The following FHIT variants were observed in gnomAD, a reference collection of about 807,000 sequenced individuals.
FHIT encodes the protein fragile histidine triad diadenosine triphosphatase.
In FHIT, 19 loss-of-function variants were observed where a neutral mutation model predicts 17.9. That is an observed-to-expected ratio of 1.06 (90% CI 0.74 to 1.56). The LOEUF (loss-of-function observed/expected upper bound fraction) is 1.56. FHIT is among the 40% of genes most tolerant of loss of function. FHIT has a pLI of 0.00. For synonymous variants in FHIT, 81 were observed against 69.7 expected, an observed-to-expected ratio of 1.16 and a Z score of -0.81; for missense variants, 248 against 189.2, an observed-to-expected ratio of 1.31 and a Z score of -1.82.
rs527824949 is a variant in FHIT at position 60,131,293 on chromosome 3, C to A, written c.104-117141G>T. On this transcript the variant is annotated intron_variant, in intron 5 of 9. Coordinates refer to ENST00000492590, the MANE Select transcript of FHIT (RefSeq NM_002012.4). The stretch of plus-strand genomic sequence containing the variant: ...ATGTAATGCTATATAGTTATTCTAA[C>A]ATATTGTTTTTATTTGCATTATTTT... Among the ~76,000 whole-genome samples, 11 of 151,916 alleles carry A rather than the reference C, an allele frequency of 7.2e-5. No homozygotes were observed. The East Asian group carries it at 1.6e-3, about 21-fold the overall frequency.
chr3:60,131,212 C>A (rs4679513), intron 5 of FHIT, among the ~76,000 whole-genome samples: 151,814 of 151,814 alleles, frequency 1, 75,907 homozygotes, highest in Non-Finnish European at 1. Context: ...TATAACCTTC[C>A]CACCTCCTCC....
Position 61,235,919 on chromosome 3 carries a change from C to T in FHIT, c.-213+15382G>A, listed in dbSNP as rs140294504. 9.3e-3 allele frequency among the ~76,000 whole-genome samples: 1,407 copies of T among 151,950 alleles called. 11 individuals are homozygous for T. The highest frequency in any genetic ancestry group is 0.017 in the Middle Eastern group (5 of 292). On this transcript the variant is annotated intron_variant, in intron 1 of 9. Transcript: ENST00000492590. ...TTTCACTAAAAGCAAGGTATTGTGA[C>T]CAATAATAAAATCATAGCTAAAATA...
chr3:60,223,551 G>A (rs570286348), intron 5 of FHIT, among the ~76,000 whole-genome samples: 1 of 152,194 alleles, frequency 6.6e-6, no homozygotes, highest in South Asian at 2.1e-4. Context: ...ATATTCCCAA[G>A]TAACAAGCTT....
At chr3:60,278,392 C>T (rs1707270153) in intron 5 of FHIT, among the ~76,000 whole-genome samples, 1 of 152,180 alleles carries the variant, frequency 6.6e-6, no homozygotes, top group Non-Finnish European at 1.5e-5. Context: ...TTTTAGCCTT[C>T]CTGTCTAATG....
At chr3:59,848,513 T>G (rs1215208823) in intron 8 of FHIT, among the ~76,000 whole-genome samples, 1 of 152,166 alleles carries the variant, frequency 6.6e-6, no homozygotes, top group Non-Finnish European at 1.5e-5. Flanking sequence ...AAAATAATAT[T>G]TAGAATATCT....
At chr3:61,184,289 C>T (rs1477974274) in intron 2 of FHIT, among the ~76,000 whole-genome samples, 1 of 152,052 alleles carries the variant, frequency 6.6e-6, no homozygotes, top group Non-Finnish European at 1.5e-5. Context: ...CCTCTGGTGT[C>T]AAACTGAATG....
chr3:60,632,913 C>T (rs1429300624), intron 4 of FHIT, among the ~76,000 whole-genome samples: 1 of 152,164 alleles, frequency 6.6e-6, no homozygotes, highest in Non-Finnish European at 1.5e-5. Flanking sequence ...GGACACTAAG[C>T]AAGTTATCAA....
intron 2 of FHIT, among the ~76,000 whole-genome samples, chr3:61,045,242 A>G (rs1338055750): frequency 6.6e-6 from 1 of 152,214 alleles, no homozygotes; most frequent in African/African-American, 2.4e-5. Context: ...AGACCCATCT[A>G]ACATGCAGAG....
chr3:59,874,115 G>T (rs752789022), intron 8 of FHIT, among the ~76,000 whole-genome samples: 35 of 152,076 alleles, frequency 2.3e-4, no homozygotes, highest in Non-Finnish European at 1.2e-4. Context: ...TCTCAAAAAA[G>T]AATCACAAAA....
chr3:60,858,423 G>C (rs1214243258), intron 3 of FHIT, among the ~76,000 whole-genome samples: 1 of 152,134 alleles, frequency 6.6e-6, no homozygotes, highest in Non-Finnish European at 1.5e-5. Flanking sequence ...CACATGTATG[G>C]TCAGCTTTCA....
intron 5 of FHIT, among the ~76,000 whole-genome samples, chr3:60,282,677 G>C (rs1395464754): frequency 6.6e-6 from 1 of 152,092 alleles, no homozygotes; most frequent in African/African-American, 2.4e-5. Context: ...GGGCGGGGAT[G>C]GGGGAATAGT....
intron 5 of FHIT, among the ~76,000 whole-genome samples, chr3:60,146,201 G>C (rs776166212): frequency 9.3e-5 from 14 of 150,848 alleles, no homozygotes; most frequent in Non-Finnish European, 2.1e-4. Flanking sequence ...CTTTATTTAG[G>C]ATAGGTCTAG....
intron 3 of FHIT, among the ~76,000 whole-genome samples, chr3:61,021,309 C>G (rs566837890): frequency 2.6e-5 from 4 of 152,148 alleles, no homozygotes; most frequent in Admixed American, 2.6e-4. Context: ...TGAAAAAGAA[C>G]AGAAATCAGG....
intron 5 of FHIT, among the ~76,000 whole-genome samples, chr3:60,213,928 A>G (rs1308690552): frequency 6.6e-6 from 1 of 152,188 alleles, no homozygotes; most frequent in Admixed American, 6.5e-5. Context: ...AGCATTTAAC[A>G]TACTTACTGA....
At chr3:60,757,107 T>A (rs1483383491) in intron 4 of FHIT, among the ~76,000 whole-genome samples, 1 of 152,158 alleles carries the variant, frequency 6.6e-6, no homozygotes, top group Non-Finnish European at 1.5e-5. Context: ...TTCAAGTATG[T>A]GTTATTAATA....
intron 8 of FHIT, among the ~76,000 whole-genome samples, chr3:59,920,123 G>C (rs765118371): frequency 6.6e-6 from 1 of 152,176 alleles, no homozygotes; most frequent in Admixed American, 6.5e-5. Context: ...AAGAAAAATA[G>C]TAATAATAAC....
chr3:60,545,173 T>C (rs559010050), intron 4 of FHIT, among the ~76,000 whole-genome samples: 2 of 152,150 alleles, frequency 1.3e-5, no homozygotes, highest in African/African-American at 4.8e-5. Context: ...TTATATTCTT[T>C]TTACTGGATT....
At chr3:60,538,759 T>C (rs1278279671) in intron 4 of FHIT, among the ~76,000 whole-genome samples, 1 of 152,158 alleles carries the variant, frequency 6.6e-6, no homozygotes, top group Non-Finnish European at 1.5e-5. Flanking sequence ...AGAAATTGGA[T>C]CCCTTCCTTA....
intron 8 of FHIT, among the ~76,000 whole-genome samples, chr3:59,902,950 A>G (rs1337461183): frequency 1.3e-5 from 2 of 152,162 alleles, no homozygotes; most frequent in Admixed American, 6.5e-5. Flanking sequence ...TGCTCTCACC[A>G]TGCACACACA....
Sources: gnomAD v4.1 joint callset for allele counts (sites outside exome capture counted in the v4.1 genomes callset) on GRCh38, gnomAD v4.1.1 for gene constraint, MANE v1.5 for transcripts, NCBI Gene and HGNC (gene_info 2026-07-23, HGNC 2026-07-21) for gene names.